The following INSL6 variants were observed in gnomAD, a reference collection of about 807,000 sequenced individuals.
The protein encoded by INSL6 is insulin-like peptide INSL6.
In INSL6, 16 loss-of-function variants were observed where a neutral mutation model predicts 9.4. The observed-to-expected ratio is 1.70, with a 90% CI of 1.15 to 2.59. The LOEUF (loss-of-function observed/expected upper bound fraction) is 2.59, where lower values mean the gene tolerates loss of function less well. Ranked by LOEUF, INSL6 falls within the 30% of genes most tolerant of loss-of-function variation. The pLI is 0.00. For synonymous variants in INSL6, 154 were observed against 96.9 expected, an observed-to-expected ratio of 1.59 and a Z score of -3.46; for missense variants, 391 against 257.3, an observed-to-expected ratio of 1.52 and a Z score of -3.56.
At chr9:5,030,034 T>G in the INSL6 span, 1 of 711,120 alleles carries the variant, frequency 1.4e-6, no homozygotes, top group Non-Finnish European at 2.2e-6. Context: ...TCATTTAAGA[T>G]TTCATTTAAG....
the INSL6 span, among the ~76,000 whole-genome samples, chr9:5,117,111 A>G: frequency 6.6e-6 from 1 of 152,194 alleles, no homozygotes; most frequent in Non-Finnish European, 1.5e-5. Context: ...TGTGGCAACA[A>G]GGCTCCCCTT....
chr9:5,178,394 C>T (rs1262473080), intron 1 of INSL6, among the ~76,000 whole-genome samples: 1 of 152,212 alleles, frequency 6.6e-6, no homozygotes, highest in African/African-American at 2.4e-5. Context: ...GAAGGCAGTA[C>T]AGCTGCTTTG....
At chr9:5,068,521 CAGA>C in the INSL6 span, among the ~76,000 whole-genome samples, 8 of 152,164 alleles carry the variant, frequency 5.3e-5, no homozygotes, top group East Asian at 1.4e-3. Flanking sequence ...GTTCATTGCT[CAGA>C]AGAAGTGGGT....
At chr9:5,057,290 T>G in the INSL6 span, among the ~76,000 whole-genome samples, 1 of 152,116 alleles carries the variant, frequency 6.6e-6, no homozygotes, top group East Asian at 1.9e-4. Flanking sequence ...TAATTTTTGC[T>G]TATTATTGCA....
chr9:5,136,378 A>G (rs1376902557), intron 2 of INSL6, among the ~76,000 whole-genome samples: 2 of 152,242 alleles, frequency 1.3e-5, no homozygotes, highest in African/African-American at 2.4e-5. Flanking sequence ...TCAATAAAAT[A>G]CTGGCAAACT....
At chr9:5,103,802 T>G in the INSL6 span, among the ~76,000 whole-genome samples, 8 of 152,114 alleles carry the variant, frequency 5.3e-5, no homozygotes, top group Admixed American at 5.2e-4. Flanking sequence ...TTGAACAACC[T>G]GCTCCTGAAT....
chr9:5,077,415 A>G, the INSL6 span: 1 of 726,170 alleles, frequency 1.4e-6, no homozygotes, highest in Non-Finnish European at 2.0e-6. Context: ...TTATATTTAT[A>G]CTTAAGCCTT....
chr9:5,090,750 T>C, the INSL6 span: 26 of 1,603,082 alleles, frequency 1.6e-5, no homozygotes, highest in African/African-American at 2.7e-5. Context: ...GTATGGAGTA[T>C]CTTGGTACAA....
At chr9:5,142,274 A>AT (rs1458896339) in intron 2 of INSL6, among the ~76,000 whole-genome samples, 1 of 152,194 alleles carries the variant, frequency 6.6e-6, no homozygotes, top group Non-Finnish European at 1.5e-5. Context: ...CTTAACAGGT[A>AT]TAACACTGAA....
chr9:5,029,792 CTG>C, the INSL6 span: 1 of 1,609,606 alleles, frequency 6.2e-7, no homozygotes, highest in Non-Finnish European at 8.5e-7. Flanking sequence ...GGTATCACAC[CTG>C]TGTATCATAA....
the INSL6 span, chr9:5,041,684 C>A: frequency 1.2e-5 from 6 of 511,664 alleles, no homozygotes; most frequent in East Asian, 1.6e-4. Flanking sequence ...ACCTCTTCGA[C>A]CGAAGCGGCT....
chr9:5,102,810 G>A, the INSL6 span, among the ~76,000 whole-genome samples: 2 of 152,036 alleles, frequency 1.3e-5, no homozygotes, highest in African/African-American at 4.8e-5. Context: ...CATAAGTGAA[G>A]GAGAAATAAA....
the INSL6 span, chr9:5,080,458 G>C: frequency 6.5e-7 from 1 of 1,526,938 alleles, no homozygotes; most frequent in East Asian, 2.3e-5. Flanking sequence ...GTATTTTTTA[G>C]CCCATCTAAT....
chr9:5,135,822 A>G (rs951687055), intron 2 of INSL6, among the ~76,000 whole-genome samples: 13 of 151,776 alleles, frequency 8.6e-5, no homozygotes, highest in African/African-American at 3.1e-4. Context: ...AAAAAAAATC[A>G]ATGAATCCAG....
At chr9:5,063,419 T>C in the INSL6 span, among the ~76,000 whole-genome samples, 2 of 152,188 alleles carry the variant, frequency 1.3e-5, no homozygotes, top group Non-Finnish European at 2.9e-5. Flanking sequence ...GACTGGAAGT[T>C]TTCTGGGTAC....
intron 1 of INSL6, among the ~76,000 whole-genome samples, chr9:5,176,395 C>T (rs1225662339): frequency 6.6e-6 from 1 of 152,146 alleles, no homozygotes; most frequent in Admixed American, 6.5e-5. Context: ...CAAATATTTA[C>T]TTAATAAAGC....
intron 3 of INSL6, among the ~76,000 whole-genome samples, chr9:5,124,920 A>G (rs1215975950): frequency 6.6e-6 from 1 of 151,538 alleles, no homozygotes; most frequent in East Asian, 1.9e-4. Flanking sequence ...TCCCAAACCT[A>G]TTCCTAAACT....
At chr9:5,069,903 T>C in the INSL6 span, 2 of 1,514,962 alleles carry the variant, frequency 1.3e-6, no homozygotes, top group Middle Eastern at 1.7e-4. Context: ...TGAAGTGATA[T>C]ATATGTATTT....
chr9:5,108,027 C>G, the INSL6 span: 1 of 152,174 alleles, frequency 6.6e-6, no homozygotes, highest in African/African-American at 2.4e-5. Context: ...TACTTATCAG[C>G]CTCATCACCC....
Sources: allele counts gnomAD v4.1 joint callset (sites outside exome capture counted in the v4.1 genomes callset), GRCh38; gene constraint gnomAD v4.1.1; transcripts MANE v1.5; gene names NCBI Gene and HGNC (gene_info 2026-07-23, HGNC 2026-07-21).